PDCD11: variants seen among roughly 807,000 people sequenced by gnomAD.
PDCD11 encodes programmed cell death 11, also known as protein RRP5 homolog.
A neutral mutation model predicts 198.9 loss-of-function variants in PDCD11; 97 were observed. The observed-to-expected ratio is 0.49, with a 90% CI of 0.41 to 0.58. PDCD11 has a LOEUF of 0.58. Ranked by LOEUF, PDCD11 falls within the 20% of genes least tolerant of loss-of-function variation. PDCD11 has a pLI of 0.00. For synonymous variants in PDCD11, 893 were observed against 918.0 expected (o/e 0.97, Z 0.49); for missense variants, 2,102 against 2,312.7 (o/e 0.91, Z 1.87).
chr10:103,400,616 C>A, intron 3 of PDCD11, 88 bp downstream of exon 3: 1 of 1,325,470 alleles, frequency 7.5e-7, no homozygotes, highest in South Asian at 1.4e-5. Context: ...CTTCTTTTTT[C>A]CCTTAATTCC....
At chr10:103,411,283 A>T (rs541676511) in intron 8 of PDCD11, among the ~76,000 whole-genome samples, 2 of 152,234 alleles carry the variant, frequency 1.3e-5, no homozygotes, top group East Asian at 3.9e-4. Flanking sequence ...ATCCTAATAT[A>T]TGTTATTCAG....
chr10:103,435,851 GTAAA>G (rs2032131525), intron 25 of PDCD11, among the ~76,000 whole-genome samples: 1 of 152,076 alleles, frequency 6.6e-6, no homozygotes, highest in African/African-American at 2.4e-5. Flanking sequence ...GGTATGTTTG[GTAAA>G]TAAATTCCTA....
rs560537901 is a variant in PDCD11 at position 103,421,505 on chromosome 10, T to G, written c.2435T>G (p.Leu812Arg). 3 of 1,589,840 alleles carry G rather than the reference T, an allele frequency of 1.9e-6. No individual in the cohort carries two copies. The highest frequency in any genetic ancestry group is 1.7e-4 in the Middle Eastern group (1 of 5,898). ...CGLGDLAITS[L>R]LLLNQCLEEL... ...CTGGGGGACTTGGCTATCACCAGCC[T>G]CCTCCTCCTGAATCAGTGCCTGGAG... The change falls in exon 17 of 36, where the codon CTC becomes CGC. Residue 812 changes from leucine (L) to arginine (R), a missense_variant. By Grantham distance (102) the Leu-to-Arg change is moderately radical. Coordinates refer to ENST00000369797, the MANE Select transcript of PDCD11 (RefSeq NM_014976.2).
chr10:103,399,484 A>G (rs549832973), intron 2 of PDCD11, among the ~76,000 whole-genome samples: 2 of 152,260 alleles, frequency 1.3e-5, no homozygotes, highest in African/African-American at 4.8e-5. Context: ...AACTGGAACA[A>G]CAGGCATGTT....
In PDCD11 at chr10:103,416,569, A is replaced by T; in HGVS notation, c.1597A>T (p.Ile533Phe). ...KTLIESKLPVITCYADAKPGL... is the reference protein window; with the variant it reads ...KTLIESKLPVFTCYADAKPGL... The stretch of plus-strand genomic sequence containing the variant: ...CCTGATTGAGTCCAAACTACCTGTC[A>T]TTACCTGCTATGCCGATGCCAAGCC... The change falls in exon 13 of 36, where the codon ATT becomes TTT. Residue 533 changes from isoleucine (I) to phenylalanine (F), a missense_variant. Coordinates refer to ENST00000369797, the MANE Select transcript of PDCD11 (RefSeq NM_014976.2). The T allele has an allele frequency of 2.0e-5, 32 of 1,614,194 alleles. No homozygotes were observed. Among genetic ancestry groups the T allele is most frequent in the Middle Eastern group, 1.6e-4 (1 of 6,062 alleles).
At chr10:103,441,168 C>T (rs1008384772) in intron 30 of PDCD11, among the ~76,000 whole-genome samples, 37 of 152,168 alleles carry the variant, frequency 2.4e-4, no homozygotes, top group Non-Finnish European at 2.4e-4. Context: ...CTGAGAGGAC[C>T]GGGTATGGGA....
In PDCD11 at chr10:103,406,645, T is replaced by C. The variant is rs2030468944; in HGVS notation, c.725T>C (p.Ile242Thr). The change falls in exon 7 of 36, where the codon ATT becomes ACT. Residue 242 changes from isoleucine (I) to threonine (T), a missense_variant. Ile to Thr is a moderately conservative substitution (Grantham distance 89). Transcript: ENST00000369797. ...AAGGTGGGTCAGTACCTGAACTGCA[T>C]TGTTGAAAAGGTGAAAGGCAACGGA... Reference protein sequence around the residue: ...KLKVGQYLNCIVEKVKGNGGV... With the variant: ...KLKVGQYLNCTVEKVKGNGGV... 1.2e-6 allele frequency: 2 copies of C among 1,614,032 alleles called. No homozygotes were observed. The highest frequency in any genetic ancestry group is 2.2e-5 in the South Asian group (2 of 91,084).
chr10:103,430,105 C>T (rs2031866516), intron 21 of PDCD11, among the ~76,000 whole-genome samples: 1 of 152,168 alleles, frequency 6.6e-6, no homozygotes, highest in Admixed American at 6.5e-5. Flanking sequence ...ATCCCCCTCC[C>T]TCAGTCCCCC....
intron 8 of PDCD11, among the ~76,000 whole-genome samples, chr10:103,412,612 C>G (rs2030868035): frequency 6.6e-6 from 1 of 152,190 alleles, no homozygotes; most frequent in Non-Finnish European, 1.5e-5. Flanking sequence ...TAGGCATCAG[C>G]CACTGCTTCC....
In PDCD11 at chr10:103,397,364, C is replaced by G. The variant is rs140405422; in HGVS notation, c.-12+634C>G. On this transcript the variant is annotated intron_variant, in intron 1 of 35. Transcript: ENST00000369797. ...CTTGCTTACTGTTCTCTCGCTTTCC[C>G]TGCTTAAGTCTCTGACTTGCCAAAG... Among the ~76,000 whole-genome samples, 117 of 152,296 alleles carry G rather than the reference C, an allele frequency of 7.7e-4. 1 individual carries two copies. The highest frequency in any genetic ancestry group is 2.6e-3 in the African/African-American group (109 of 41,558).
chr10:103,416,526 G>A lies in PDCD11; in HGVS notation c.1554G>A (p.Met518Ile). The A allele has an allele frequency of 6.2e-7, 1 of 1,614,136 alleles. No homozygotes were observed. Among genetic ancestry groups the A allele is most frequent in the Non-Finnish European group, 8.5e-7 (1 of 1,180,008 alleles). Residue 518 changes from methionine (M) to isoleucine (I), a missense_variant, in exon 13 of 36, where the codon ATG becomes ATA. Met to Ile is a conservative substitution (Grantham distance 10). Transcript: ENST00000369797. ...GTGACCCTGAAGCCAAGAAGCTGAT[G>A]ATGACCCTGAAAAAAACCCTGATTG... ...LLCDPEAKKL[M>I]MTLKKTLIES...
rs539615002 is a variant in PDCD11, at chr10:103,421,760, C to T, written c.2497+193C>T. ...CGGGTGGATCATGAGGTCAGGAGAT[C>T]GAGACCATCCTGGCTAACAAGGTGA... On this transcript the variant is annotated intron_variant, in intron 17 of 35. Coordinates refer to ENST00000369797, the MANE Select transcript of PDCD11 (RefSeq NM_014976.2). 2.2e-3 allele frequency among the ~76,000 whole-genome samples: 329 copies of T among 150,372 alleles called. 1 individual carries two copies. The highest frequency in any genetic ancestry group is 7.5e-3 in the African/African-American group (307 of 40,906).
At chr10:103,417,309 C>T (rs906938182) in intron 13 of PDCD11, among the ~76,000 whole-genome samples, 6 of 152,006 alleles carry the variant, frequency 3.9e-5, no homozygotes, top group African/African-American at 1.4e-4. Flanking sequence ...GTAGCTGGGA[C>T]TACAGGCATG....
rs1261928243 is a variant in PDCD11, at chr10:103,418,502, C to T, written c.1974C>T (p.His658=). The change falls in exon 15 of 36, where the codon CAC becomes CAT. Residue 658 remains histidine (H), a synonymous_variant. Transcript: ENST00000369797. ...KDGLEVAVLP[H]NIRAFLPTSH... ...GGCTGGAGGTGGCTGTCCTGCCCCACAACATCCGTGCTTTCCTCCCCACAT... is the reference window on the plus strand; with the variant it reads ...GGCTGGAGGTGGCTGTCCTGCCCCATAACATCCGTGCTTTCCTCCCCACAT... 9 of 1,614,072 alleles carry T rather than the reference C, an allele frequency of 5.6e-6. No homozygotes were observed. The highest frequency in any genetic ancestry group is 2.2e-5 in the East Asian group (1 of 44,896).
At position 103,438,088 on chromosome 10, in the gene PDCD11, T is replaced by C. The variant is rs369813624; in HGVS notation, c.3902+17T>C. 5 of 1,611,248 alleles carry C rather than the reference T, an allele frequency of 3.1e-6. No individual in the cohort carries two copies. The highest frequency in any genetic ancestry group is 2.2e-5 in the East Asian group (1 of 44,854). On this transcript the variant is annotated intron_variant, in intron 26 of 35. Coordinates refer to ENST00000369797, the MANE Select transcript of PDCD11 (RefSeq NM_014976.2). ...ATCATCCAGGTGGGTTTCTGTGTTG[T>C]TGGAAAAAGAAAGGAGGAAGACCCA...
At chr10:103,409,456 T>C (rs1439128337) in intron 7 of PDCD11, among the ~76,000 whole-genome samples, 1 of 151,806 alleles carries the variant, frequency 6.6e-6, no homozygotes, top group Non-Finnish European at 1.5e-5. Context: ...TCCCAGAGAG[T>C]GGGAGGATTG....
chr10:103,441,870 T>C lies in PDCD11; in HGVS notation c.4602T>C (p.Ser1534=). The part of the protein sequence containing the change: ...KPAEAPRLQL[S]SGFAWNVGLD... ...CAGAAGCGCCCCGGCTGCAGCTGTC[T>C]TCAGGCTTCGCTTGGAATGTGGGAC... The change falls in exon 31 of 36, where the codon TCT becomes TCC. Residue 1534 remains serine (S), a synonymous_variant. Coordinates refer to ENST00000369797, the MANE Select transcript of PDCD11 (RefSeq NM_014976.2). 8.7e-6 allele frequency: 14 copies of C among 1,614,204 alleles called. No individual in the cohort carries two copies. The highest frequency in any genetic ancestry group is 1.1e-5 in the Non-Finnish European group (13 of 1,180,020).
chr10:103,431,278 G>A (rs1190212803), intron 21 of PDCD11, among the ~76,000 whole-genome samples: 1 of 152,046 alleles, frequency 6.6e-6, no homozygotes, highest in African/African-American at 2.4e-5. Context: ...ATCCCTTTGT[G>A]GTTTTTCTGA....
rs118101861 is a variant in PDCD11, at chr10:103,410,375, C to T, written c.978+569C>T. 7.1e-3 allele frequency among the ~76,000 whole-genome samples: 1,068 copies of T among 151,122 alleles called. 9 individuals are homozygous for T. The highest frequency in any genetic ancestry group is 0.011 in the Admixed American group (172 of 15,206). ...TTCCATATAGTTTGATTTTTTTTTC[C>T]TTTGGTGGTAGTAGTATTTTTGTTT... is the stretch of plus-strand genomic sequence containing the variant. On this transcript the variant is annotated intron_variant, in intron 8 of 35. Coordinates refer to ENST00000369797, the MANE Select transcript of PDCD11 (RefSeq NM_014976.2).
Sources: gnomAD v4.1 joint callset for allele counts (sites outside exome capture counted in the v4.1 genomes callset) on GRCh38, gnomAD v4.1.1 for gene constraint, MANE v1.5 for transcripts, NCBI Gene and HGNC (gene_info 2026-07-23, HGNC 2026-07-21) for gene names.